The following ETV6 variants were observed in gnomAD, a reference collection of about 807,000 sequenced individuals.
The protein encoded by ETV6 is transcription factor ETV6.
Under a neutral mutation model 51.1 loss-of-function variants are expected in ETV6, and 16 were observed. That is an observed-to-expected ratio of 0.31 (90% CI 0.21 to 0.48). The LOEUF is 0.48. Ranked by LOEUF, ETV6 falls within the 20% of genes least tolerant of loss-of-function variation. ETV6 has a pLI of 0.99. For missense variants in ETV6, 458 were observed against 594.8 expected (o/e 0.77, Z 2.39); for synonymous variants, 240 against 224.1 (o/e 1.07, Z -0.64).
chr12:11,719,854 C>T lies in ETV6; in HGVS notation c.34-32596C>T, dbSNP rs1226773589. The stretch of plus-strand genomic sequence containing the variant: ...TCCCTCACACTGGCTCTTTCAGCCA[C>T]TTCCCTCACTGAGATAGGAAGCGGT... On this transcript the variant is annotated intron_variant, in intron 1 of 7. Transcript: ENST00000396373. Among the ~76,000 whole-genome samples, 3 of 152,252 alleles carry T rather than the reference C, an allele frequency of 2.0e-5. 1 individual carries two copies. The highest frequency in any genetic ancestry group is 4.4e-5 in the Non-Finnish European group (3 of 68,046).
At chr12:11,786,735 T>C (rs200985704) in intron 2 of ETV6, among the ~76,000 whole-genome samples, 13 of 152,336 alleles carry the variant, frequency 8.5e-5, no homozygotes, top group Admixed American at 5.9e-4. Context: ...AATACATTAA[T>C]TCTTTGCATA....
intron 1 of ETV6, among the ~76,000 whole-genome samples, chr12:11,696,587 G>A (rs1864882942): frequency 6.6e-6 from 1 of 152,164 alleles, no homozygotes; most frequent in South Asian, 2.1e-4. Context: ...AGAAGCCGAG[G>A]CAAGAGGATC....
At chr12:11,786,953 T>C (rs1009340444) in intron 2 of ETV6, among the ~76,000 whole-genome samples, 1 of 152,208 alleles carries the variant, frequency 6.6e-6, no homozygotes, top group Non-Finnish European at 1.5e-5. Context: ...CTGTTGCCAG[T>C]GATCAAACGC....
chr12:11,838,447 C>G (rs566076013), intron 2 of ETV6, among the ~76,000 whole-genome samples: 3 of 152,170 alleles, frequency 2.0e-5, no homozygotes, highest in Non-Finnish European at 4.4e-5. Context: ...TTGGTTCCTA[C>G]TCAGAGTTCA....
At chr12:11,667,149 C>T (rs1490101280) in intron 1 of ETV6, among the ~76,000 whole-genome samples, 1 of 152,210 alleles carries the variant, frequency 6.6e-6, no homozygotes, top group Admixed American at 6.5e-5. Context: ...AGACAATGTG[C>T]TGCTTACATT....
chr12:11,665,774 G>A (rs1034159480), intron 1 of ETV6, among the ~76,000 whole-genome samples: 2 of 152,172 alleles, frequency 1.3e-5, no homozygotes, highest in African/African-American at 4.8e-5. Context: ...ATGTCAGGGC[G>A]AACATACTGC....
intron 1 of ETV6, among the ~76,000 whole-genome samples, chr12:11,668,066 T>C (rs1391609943): frequency 6.6e-6 from 1 of 151,664 alleles, no homozygotes; most frequent in East Asian, 1.9e-4. Flanking sequence ...ACTCCTGGAC[T>C]CAAGTGATCC....
intron 2 of ETV6, among the ~76,000 whole-genome samples, chr12:11,777,281 C>G (rs1018913610): frequency 2.0e-5 from 3 of 149,690 alleles, no homozygotes; most frequent in Non-Finnish European, 4.4e-5. Flanking sequence ...TTTAAATGCT[C>G]ATATAATATA....
intron 5 of ETV6, among the ~76,000 whole-genome samples, chr12:11,882,419 A>G (rs1317600457): frequency 6.6e-6 from 1 of 152,204 alleles, no homozygotes; most frequent in African/African-American, 2.4e-5. Context: ...TTTTGGGGTC[A>G]TGCACAGCCA....
intron 2 of ETV6, among the ~76,000 whole-genome samples, chr12:11,756,844 A>T (rs1473922625): frequency 6.6e-6 from 1 of 152,252 alleles, no homozygotes; most frequent in Non-Finnish European, 1.5e-5. Flanking sequence ...CCGCCTTAGG[A>T]TAACAATATA....
intron 5 of ETV6, among the ~76,000 whole-genome samples, chr12:11,872,900 G>A (rs1419709508): frequency 1.3e-5 from 2 of 152,110 alleles, no homozygotes; most frequent in Admixed American, 1.3e-4. Flanking sequence ...ACCAAATGAT[G>A]AGCCTGGGTG....
Position 11,893,797 on chromosome 12 carries a change from T to C in ETV6, c.*2751T>C, listed in dbSNP as rs1947338592. On this transcript the variant is annotated 3_prime_UTR_variant, in exon 8 of 8. Coordinates refer to ENST00000396373, the MANE Select transcript of ETV6 (RefSeq NM_001987.5). ...TCCATCCCCAAGATCTCTCATTTTA[T>C]ATATATATATATATATATATATATA... is the stretch of plus-strand genomic sequence containing the variant. 2 of 6,128 alleles carry C rather than the reference T, an allele frequency of 3.3e-4. No homozygotes were observed. The highest frequency in any genetic ancestry group is 2.4e-3 in the Admixed American group (1 of 414). The allele number at this position is 6,128 out of a possible 1,614,324, so 0.4% of individuals were successfully genotyped here. A position where few individuals can be genotyped will look rare whatever the true frequency, so the allele number is the denominator to read the frequency against.
At chr12:11,886,297 A>T (rs999926751) in intron 7 of ETV6, among the ~76,000 whole-genome samples, 2 of 152,260 alleles carry the variant, frequency 1.3e-5, no homozygotes, top group Non-Finnish European at 2.9e-5. Flanking sequence ...ATTATGTGGC[A>T]TTAAAGTCCG....
intron 2 of ETV6, among the ~76,000 whole-genome samples, chr12:11,809,427 A>G (rs550596361): frequency 6.6e-6 from 1 of 152,220 alleles, no homozygotes; most frequent in African/African-American, 2.4e-5. Context: ...ATTATCAGCT[A>G]TTGATTTCCT....
chr12:11,773,054 T>A (rs1945265852), intron 2 of ETV6, among the ~76,000 whole-genome samples: 1 of 151,718 alleles, frequency 6.6e-6, no homozygotes, highest in Non-Finnish European at 1.5e-5. Flanking sequence ...ATTAGCTGGG[T>A]GTGGTGGCGG....
intron 1 of ETV6, among the ~76,000 whole-genome samples, chr12:11,674,473 TC>T (rs1246391668): frequency 4.6e-5 from 7 of 151,956 alleles, no homozygotes; most frequent in Admixed American, 3.9e-4. Flanking sequence ...AGATTTAATA[TC>T]CAAAGAGGAG....
At chr12:11,865,804 C>T (rs969528684) in intron 4 of ETV6, among the ~76,000 whole-genome samples, 1 of 151,150 alleles carries the variant, frequency 6.6e-6, no homozygotes, top group Non-Finnish European at 1.5e-5. Flanking sequence ...TCAAGATTTT[C>T]TCTTTATTTT....
At chr12:11,766,984 T>C (rs1456710192) in intron 2 of ETV6, among the ~76,000 whole-genome samples, 2 of 152,234 alleles carry the variant, frequency 1.3e-5, no homozygotes, top group Non-Finnish European at 2.9e-5. Context: ...CTTTGTTTTG[T>C]TTCTGAAATT....
intron 2 of ETV6, among the ~76,000 whole-genome samples, chr12:11,830,493 G>A (rs1259198161): frequency 6.6e-6 from 1 of 152,216 alleles, no homozygotes; most frequent in Non-Finnish European, 1.5e-5. Flanking sequence ...ATAGATGATG[G>A]CATGACATGG....
Sources: gnomAD v4.1 joint callset for allele counts (sites outside exome capture counted in the v4.1 genomes callset) on GRCh38, gnomAD v4.1.1 for gene constraint, MANE v1.5 for transcripts, NCBI Gene and HGNC (gene_info 2026-07-23, HGNC 2026-07-21) for gene names.